The following PAK5 variants were observed in gnomAD, a reference collection of about 807,000 sequenced individuals.
PAK5 encodes serine/threonine-protein kinase PAK 5.
PAK5 carries 16 observed loss-of-function variants against 65.9 expected under a neutral mutation model. That is an observed-to-expected ratio of 0.24 (90% CI 0.16 to 0.37). The LOEUF (loss-of-function observed/expected upper bound fraction) is 0.37, where lower values mean the gene tolerates loss of function less well. Ranked by LOEUF, PAK5 falls within the 10% of genes least tolerant of loss-of-function variation. The pLI, the probability that PAK5 is intolerant of heterozygous loss-of-function variation, is 1.00. For missense variants in PAK5, 785 were observed against 903.9 expected (o/e 0.87, Z 1.69); for synonymous variants, 371 against 354.9 (o/e 1.05, Z -0.51).
At chr20:9,665,894 C>A (rs2123349166) in intron 2 of PAK5, among the ~76,000 whole-genome samples, 1 of 152,172 alleles carries the variant, frequency 6.6e-6, no homozygotes, top group South Asian at 2.1e-4. Flanking sequence ...ACCTTGAAAA[C>A]CATATCTTAA....
chr20:9,719,178 C>A (rs1326712300), intron 1 of PAK5, among the ~76,000 whole-genome samples: 1 of 152,120 alleles, frequency 6.6e-6, no homozygotes, highest in Non-Finnish European at 1.5e-5. Context: ...AAAACCTAAC[C>A]CACTCACAAA....
At chr20:9,737,262 G>C (rs1458987771) in intron 1 of PAK5, among the ~76,000 whole-genome samples, 2 of 152,022 alleles carry the variant, frequency 1.3e-5, no homozygotes, top group Non-Finnish European at 2.9e-5. Context: ...CTGCCTCTAA[G>C]GAACACAGTG....
chr20:9,768,131 G>A (rs1342954979), intron 1 of PAK5, among the ~76,000 whole-genome samples: 3 of 152,056 alleles, frequency 2.0e-5, no homozygotes, highest in Non-Finnish European at 4.4e-5. Flanking sequence ...CTATGGGCAC[G>A]TAATAGTAAT....
chr20:9,584,114 T>C (rs1436368115), intron 3 of PAK5, among the ~76,000 whole-genome samples: 1 of 152,102 alleles, frequency 6.6e-6, no homozygotes, highest in Admixed American at 6.6e-5. Context: ...ACCTGGGACC[T>C]TTCCTCAGAG....
chr20:9,640,463 G>C (rs183168698), intron 3 of PAK5, among the ~76,000 whole-genome samples: 3 of 151,952 alleles, frequency 2.0e-5, no homozygotes, highest in African/African-American at 4.8e-5. Flanking sequence ...GTCTATCATT[G>C]TTGGACATTT....
At chr20:9,723,252 GAGC>G (rs1454654553) in intron 1 of PAK5, among the ~76,000 whole-genome samples, 1 of 152,172 alleles carries the variant, frequency 6.6e-6, no homozygotes, top group Non-Finnish European at 1.5e-5. Flanking sequence ...ACAAGGGTAG[GAGC>G]AGTAGTGGGA....
At chr20:9,831,558 A>G (rs1399080613) in intron 1 of PAK5, among the ~76,000 whole-genome samples, 2 of 152,208 alleles carry the variant, frequency 1.3e-5, no homozygotes, top group Non-Finnish European at 2.9e-5. Context: ...CCCAGGCTGG[A>G]GTGCAGTGGT....
At chr20:9,735,923 T>TG (rs1372168557) in intron 1 of PAK5, among the ~76,000 whole-genome samples, 1 of 146,710 alleles carries the variant, frequency 6.8e-6, no homozygotes, top group Non-Finnish European at 1.5e-5. Context: ...TTTTTTGAGA[T>TG]GGAGTTTTGC....
chr20:9,561,598 G>A (rs1449868945), intron 6 of PAK5, among the ~76,000 whole-genome samples: 4 of 152,090 alleles, frequency 2.6e-5, no homozygotes, highest in South Asian at 4.2e-4. Flanking sequence ...GTAGAGCCAC[G>A]TAACATCTCA....
At chr20:9,744,806 T>C (rs2048488144) in intron 1 of PAK5, among the ~76,000 whole-genome samples, 1 of 152,218 alleles carries the variant, frequency 6.6e-6, no homozygotes, top group Non-Finnish European at 1.5e-5. Context: ...TGGTTTCTTG[T>C]TTTGTTTCCA....
chr20:9,647,101 G>A lies in PAK5; in HGVS notation c.-11-2762C>T, dbSNP rs139871349. Among the ~76,000 whole-genome samples, 119 of 152,262 alleles carry A rather than the reference G, an allele frequency of 7.8e-4. 1 individual carries two copies. The highest frequency in any genetic ancestry group is 2.8e-3 in the African/African-American group (116 of 41,548). ...CATCTTCAGATGCTTGCCATTTTTA[G>A]GTTTCTATTTTAGCTGCTTCAAAGT... is the stretch of plus-strand genomic sequence containing the variant. On this transcript the variant is annotated intron_variant, in intron 2 of 9. Coordinates refer to ENST00000353224, the MANE Select transcript of PAK5 (RefSeq NM_177990.4).
chr20:9,772,245 G>T (rs6056858), intron 1 of PAK5, among the ~76,000 whole-genome samples: 1 of 152,056 alleles, frequency 6.6e-6, no homozygotes, highest in Non-Finnish European at 1.5e-5. Flanking sequence ...CAAGAGATTA[G>T]TGGTGACCCT....
intron 3 of PAK5, among the ~76,000 whole-genome samples, chr20:9,620,943 G>A (rs988823712): frequency 1.3e-5 from 1 of 77,170 alleles, no homozygotes; most frequent in Admixed American, 1.8e-4. Flanking sequence ...CCAGCAGCCA[G>A]AGAAAGAGAG....
At chr20:9,715,669 GAATTAA>G (rs1325434841) in intron 1 of PAK5, among the ~76,000 whole-genome samples, 2 of 151,848 alleles carry the variant, frequency 1.3e-5, no homozygotes, top group African/African-American at 4.8e-5. Context: ...ATGATAGACA[GAATTAA>G]GAAAATGTGG....
At chr20:9,552,147 T>C (rs1204693551) in intron 7 of PAK5, among the ~76,000 whole-genome samples, 1 of 152,202 alleles carries the variant, frequency 6.6e-6, no homozygotes, top group Non-Finnish European at 1.5e-5. Flanking sequence ...TATGACATCT[T>C]CCAAGTTTTG....
At chr20:9,604,103 G>A (rs1231327288) in intron 3 of PAK5, among the ~76,000 whole-genome samples, 2 of 152,168 alleles carry the variant, frequency 1.3e-5, no homozygotes, top group Non-Finnish European at 2.9e-5. Flanking sequence ...ACCCTGTATG[G>A]CAGATGCACC....
chr20:9,675,156 C>T (rs1390092546), intron 2 of PAK5, among the ~76,000 whole-genome samples: 3 of 152,032 alleles, frequency 2.0e-5, no homozygotes, highest in Non-Finnish European at 2.9e-5. Context: ...TATGGAGATC[C>T]TAGAAGCTTT....
At chr20:9,640,973 G>T (rs569295543) in intron 3 of PAK5, among the ~76,000 whole-genome samples, 1 of 152,322 alleles carries the variant, frequency 6.6e-6, no homozygotes, top group Non-Finnish European at 1.5e-5. Context: ...GGACCCCAGT[G>T]GGCTGCCAAT....
intron 2 of PAK5, among the ~76,000 whole-genome samples, chr20:9,668,836 C>T (rs891818085): frequency 6.6e-6 from 1 of 152,116 alleles, no homozygotes; most frequent in African/African-American, 2.4e-5. Flanking sequence ...TACCTAAGTG[C>T]AGAAATAAAA....
Sources: allele counts gnomAD v4.1 joint callset (sites outside exome capture counted in the v4.1 genomes callset), GRCh38; gene constraint gnomAD v4.1.1; transcripts MANE v1.5; gene names NCBI Gene and HGNC (gene_info 2026-07-23, HGNC 2026-07-21).